The following EYS variants were observed in gnomAD, a reference collection of about 807,000 sequenced individuals.
EYS encodes the protein EGF-like photoreceptor maintenance factor.
EYS carries 250 observed loss-of-function variants against 282.1 expected under a neutral mutation model. The observed-to-expected ratio is 0.89, with a 90% CI of 0.80 to 0.98. The LOEUF (loss-of-function observed/expected upper bound fraction) is 0.98. Ranked by LOEUF, EYS falls within the 50% of genes least tolerant of loss-of-function variation. EYS has a pLI of 0.00. For missense variants in EYS, 4,016 were observed against 3,709.0 expected (o/e 1.08, Z -2.15); for synonymous variants, 1,355 against 1,282.9 (o/e 1.06, Z -1.20).
intron 2 of EYS, among the ~76,000 whole-genome samples, chr6:65,508,795 A>C (rs1192100439): frequency 6.6e-6 from 1 of 152,146 alleles, no homozygotes; most frequent in Non-Finnish European, 1.5e-5. Context: ...CTCTGGCCAA[A>C]CTCTTCCTCA....
chr6:63,863,807 C>G (rs958589423), intron 36 of EYS, among the ~76,000 whole-genome samples: 2 of 151,748 alleles, frequency 1.3e-5, no homozygotes, highest in Non-Finnish European at 2.9e-5. Flanking sequence ...TCCTGAGTAG[C>G]TGGGATTATA....
At chr6:64,310,080 AT>A (rs1212925565) in intron 29 of EYS, among the ~76,000 whole-genome samples, 5 of 150,898 alleles carry the variant, frequency 3.3e-5, no homozygotes, top group African/African-American at 9.8e-5. Context: ...AAAAAAAAAA[AT>A]AACAGATGCT....
chr6:65,315,493 C>A (rs1574959), intron 11 of EYS, among the ~76,000 whole-genome samples: 1 of 152,136 alleles, frequency 6.6e-6, no homozygotes, highest in South Asian at 2.1e-4. Context: ...CATTCTAACA[C>A]TGGAGTTCAG....
chr6:64,880,420 A>G (rs954403994), intron 19 of EYS, among the ~76,000 whole-genome samples: 2 of 151,858 alleles, frequency 1.3e-5, no homozygotes, highest in African/African-American at 2.4e-5. Flanking sequence ...ATTCAATTAC[A>G]TAAAAATGTA....
At chr6:64,503,500 G>A (rs553747672) in intron 26 of EYS, among the ~76,000 whole-genome samples, 5 of 152,122 alleles carry the variant, frequency 3.3e-5, no homozygotes, top group African/African-American at 9.7e-5. Flanking sequence ...GATTGTTAAC[G>A]ATAATTTCTC....
intron 28 of EYS, among the ~76,000 whole-genome samples, chr6:64,404,380 A>AGTGTGTGTGTGT (rs59373630): frequency 2.1e-5 from 2 of 93,702 alleles, no homozygotes; most frequent in South Asian, 7.6e-4. Context: ...AGAGTGTGAG[A>AGTGTGTGTGTGT]GTGTGTGTGT....
intron 12 of EYS, among the ~76,000 whole-genome samples, chr6:65,106,985 A>G: frequency 6.6e-6 from 1 of 152,078 alleles, no homozygotes; most frequent in Admixed American, 6.6e-5. Flanking sequence ...GTAACATTTC[A>G]GTGCTGCTCC....
rs140703571 is a variant in EYS at position 64,087,789 on chromosome 6, T to A, written c.6425-5787A>T. ...CACTATTGATAAGTCCACCAGAAAA[T>A]GTTTGAGAAAGGATAGTCTTTATAT... On this transcript the variant is annotated intron_variant, in intron 31 of 42. Coordinates refer to ENST00000503581, the MANE Select transcript of EYS (RefSeq NM_001142800.2). Among the ~76,000 whole-genome samples, 1,110 of 152,118 alleles carry A rather than the reference T, an allele frequency of 7.3e-3. 23 individuals carry two copies. The highest frequency in any genetic ancestry group is 0.025 in the African/African-American group (1,021 of 41,534).
At chr6:63,962,172 G>A (rs1363892387) in intron 35 of EYS, among the ~76,000 whole-genome samples, 6 of 152,204 alleles carry the variant, frequency 3.9e-5, no homozygotes, top group African/African-American at 1.2e-4. Flanking sequence ...GAAAACCTAG[G>A]CAATACCACT....
At chr6:64,583,714 G>C (rs1378747450) in intron 26 of EYS, among the ~76,000 whole-genome samples, 1 of 151,976 alleles carries the variant, frequency 6.6e-6, no homozygotes, top group Non-Finnish European at 1.5e-5. Flanking sequence ...AGAATTGCTT[G>C]AACCTGGGAG....
intron 22 of EYS, chr6:64,731,096 AC>A (rs1771947515): frequency 6.6e-6 from 1 of 152,136 alleles, no homozygotes; most frequent in African/African-American, 2.4e-5. Context: ...ATGAAACTGG[AC>A]CCCTTCCTTA....
At chr6:65,183,649 G>A (rs1375573108) in intron 12 of EYS, among the ~76,000 whole-genome samples, 1 of 151,506 alleles carries the variant, frequency 6.6e-6, no homozygotes, top group Non-Finnish European at 1.5e-5. Context: ...AATTTTATAT[G>A]CTTTTAAACT....
intron 30 of EYS, among the ~76,000 whole-genome samples, chr6:64,255,668 A>G (rs561978636): frequency 6.6e-6 from 1 of 152,176 alleles, no homozygotes; most frequent in South Asian, 2.1e-4. Flanking sequence ...ATTCAATCAT[A>G]TGACTTAAAT....
chr6:65,189,297 A>T (rs1311331428), intron 12 of EYS, among the ~76,000 whole-genome samples: 1 of 151,706 alleles, frequency 6.6e-6, no homozygotes, highest in East Asian at 1.9e-4. Context: ...ACTGTAAATC[A>T]CACTAGTATG....
intron 2 of EYS, among the ~76,000 whole-genome samples, chr6:65,553,465 C>T (rs931244643): frequency 4.6e-5 from 7 of 152,098 alleles, no homozygotes; most frequent in African/African-American, 1.7e-4. Context: ...CCTGTCAATA[C>T]TTTTGTCTAA....
chr6:63,960,465 A>G (rs529337634), intron 35 of EYS, among the ~76,000 whole-genome samples: 48 of 152,372 alleles, frequency 3.2e-4, no homozygotes, highest in African/African-American at 1.1e-3. Flanking sequence ...AAGGATTTAG[A>G]GTATACATAA....
At chr6:63,974,706 C>T (rs937385008) in intron 35 of EYS, among the ~76,000 whole-genome samples, 1 of 151,914 alleles carries the variant, frequency 6.6e-6, no homozygotes, top group African/African-American at 2.4e-5. Flanking sequence ...TTTTCAAATT[C>T]GGTGTAAGGA....
intron 12 of EYS, among the ~76,000 whole-genome samples, chr6:65,073,557 A>T (rs1773960436): frequency 1.3e-5 from 2 of 151,852 alleles, no homozygotes; most frequent in South Asian, 4.1e-4. Context: ...ACAGGCTCAG[A>T]ATATAGATAT....
intron 22 of EYS, among the ~76,000 whole-genome samples, chr6:64,778,216 G>A (rs1773738458): frequency 1.3e-5 from 2 of 152,044 alleles, no homozygotes; most frequent in Non-Finnish European, 2.9e-5. Context: ...GAATCTTCTA[G>A]TAGTGATCTT....
Sources: allele counts gnomAD v4.1 joint callset (sites outside exome capture counted in the v4.1 genomes callset), GRCh38; gene constraint gnomAD v4.1.1; transcripts MANE v1.5; gene names NCBI Gene and HGNC (gene_info 2026-07-23, HGNC 2026-07-21).